RTN4IP1: variants seen among roughly 807,000 people sequenced by gnomAD.
RTN4IP1 encodes the protein NAD(P)H oxidoreductase RTN4IP1, mitochondrial.
A neutral mutation model predicts 46.6 loss-of-function variants in RTN4IP1; 32 were observed. The observed-to-expected ratio is 0.69, with a 90% confidence interval of 0.52 to 0.92. RTN4IP1 has a LOEUF of 0.92. RTN4IP1 is among the 40% of genes least tolerant of loss of function. The pLI is 0.00. For synonymous variants in RTN4IP1, 167 were observed against 161.8 expected (o/e 1.03, Z -0.24); for missense variants, 424 against 485.8 (o/e 0.87, Z 1.20).
chr6:106,589,058 C>T (rs190785052), intron 6 of RTN4IP1, among the ~76,000 whole-genome samples: 259 of 144,736 alleles, frequency 1.8e-3, no homozygotes, highest in African/African-American at 5.1e-3. Flanking sequence ...TGTGGTGAGC[C>T]GAGGTCATGC....
chr6:106,594,983 G>A (rs1775747670), intron 5 of RTN4IP1, among the ~76,000 whole-genome samples: 1 of 151,972 alleles, frequency 6.6e-6, no homozygotes, highest in Non-Finnish European at 1.5e-5. Context: ...TGTATTTTTA[G>A]TAGATATGGG....
intron 4 of RTN4IP1, among the ~76,000 whole-genome samples, chr6:106,614,379 T>C (rs986977818): frequency 1.3e-5 from 2 of 152,180 alleles, no homozygotes; most frequent in Admixed American, 6.5e-5. Flanking sequence ...TTGGTAAGTG[T>C]TGTTTTGCTC....
chr6:106,583,581 G>C, intron 7 of RTN4IP1, 161 bp from the exon 8 acceptor site: 2 of 585,966 alleles, frequency 3.4e-6, no homozygotes, highest in Non-Finnish European at 6.2e-6. Context: ...GACTGACAGA[G>C]AATGGATGCT....
rs752668325 is a variant in RTN4IP1 at position 106,629,341 on chromosome 6, C to T, written c.-320G>A. The T allele has an allele frequency of 5.4e-6, 3 of 555,172 alleles. No homozygotes were observed. Among genetic ancestry groups the T allele is most frequent in the Non-Finnish European group, 9.6e-6 (3 of 313,214 alleles). 34.4% of individuals were successfully genotyped at this position (555,172 alleles called of 1,614,324 possible). ...GCATTAAAAAGCAGGTGCGCAAACC[C>T]CCTAGATCCCTGCCCTGTCCTGGGA... On this transcript the variant is annotated 5_prime_UTR_variant, in exon 1 of 9. Transcript: ENST00000369063.
Position 106,611,865 on chromosome 6 carries a change from T to TAA in RTN4IP1, c.620+7336_620+7337insTT, listed in dbSNP as rs1237910084. On this transcript the variant is annotated intron_variant, in intron 4 of 8. Coordinates refer to ENST00000369063, the MANE Select transcript of RTN4IP1 (RefSeq NM_032730.5). ...CATTTTCCCAAGAAAACAAAGCTAT[T>TAA]TATATATCTTGGTAAGGTGGCCAGG... Among the ~76,000 whole-genome samples the TAA allele has an allele frequency of 2.6e-5, 4 of 152,280 alleles. No individual in the cohort carries two copies. The East Asian group carries it at 7.7e-4, about 29-fold the overall frequency.
chr6:106,626,750 C>T (rs1353686171), intron 1 of RTN4IP1, among the ~76,000 whole-genome samples: 1 of 152,148 alleles, frequency 6.6e-6, no homozygotes, highest in Non-Finnish European at 1.5e-5. Context: ...GTGTTCCATC[C>T]TATTGACAGG....
At chr6:106,613,019 C>A (rs1381953988) in intron 4 of RTN4IP1, among the ~76,000 whole-genome samples, 1 of 152,174 alleles carries the variant, frequency 6.6e-6, no homozygotes, top group East Asian at 1.9e-4. Flanking sequence ...AGTGCTATTT[C>A]TTTTGTGGCG....
At chr6:106,624,946 A>G (rs199953774) in intron 1 of RTN4IP1, among the ~76,000 whole-genome samples, 4 of 133,070 alleles carry the variant, frequency 3.0e-5, no homozygotes, top group South Asian at 2.2e-4. Flanking sequence ...AAAAAAAAAA[A>G]AAAAAGAAAA....
In RTN4IP1 at chr6:106,571,293, G is replaced by A. The variant is rs1318624965; in HGVS notation, c.*703C>T. 2 of 152,182 alleles carry A rather than the reference G, an allele frequency of 1.3e-5. No homozygotes were observed. Among genetic ancestry groups the A allele is most frequent in the Admixed American group, 1.3e-4 (2 of 15,282 alleles). The allele number at this position is 152,182 out of a possible 1,614,324, so 9.4% of individuals were successfully genotyped here. A position where few individuals can be genotyped will look rare whatever the true frequency, so the allele number is the denominator to read the frequency against. On this transcript the variant is annotated 3_prime_UTR_variant, in exon 9 of 9. Transcript: ENST00000369063. ...CACATTATGGTGGAGGAACAAAAAA[G>A]GAAACCTTGGCAGTTAGAAAGCTGC...
At chr6:106,599,394 C>T (rs1268389309) in intron 5 of RTN4IP1, among the ~76,000 whole-genome samples, 1 of 151,246 alleles carries the variant, frequency 6.6e-6, no homozygotes, top group Non-Finnish European at 1.5e-5. Context: ...CAATTAAAAC[C>T]TCCTCAACTC....
intron 2 of RTN4IP1, among the ~76,000 whole-genome samples, chr6:106,622,370 T>G (rs1246863879): frequency 6.6e-6 from 1 of 152,236 alleles, no homozygotes; most frequent in African/African-American, 2.4e-5. Context: ...CAAACCTACT[T>G]GGAAGGCCGG....
chr6:106,618,777 T>G (rs1470115961), intron 4 of RTN4IP1, among the ~76,000 whole-genome samples: 1 of 152,140 alleles, frequency 6.6e-6, no homozygotes, highest in African/African-American at 2.4e-5. Flanking sequence ...AATATGCAAG[T>G]GTGAGAATAA....
chr6:106,612,733 C>A (rs1482938473), intron 4 of RTN4IP1, among the ~76,000 whole-genome samples: 3 of 152,054 alleles, frequency 2.0e-5, no homozygotes, highest in Admixed American at 6.6e-5. Flanking sequence ...ATAACTCATT[C>A]CGATTACCTG....
At chr6:106,614,819 A>C (rs1209508514) in intron 4 of RTN4IP1, among the ~76,000 whole-genome samples, 9 of 152,152 alleles carry the variant, frequency 5.9e-5, no homozygotes, top group Non-Finnish European at 1.3e-4. Flanking sequence ...CAAGGCTAGA[A>C]GCTAGATTAC....
chr6:106,625,243 C>T (rs1421773833), intron 1 of RTN4IP1, among the ~76,000 whole-genome samples: 3 of 151,830 alleles, frequency 2.0e-5, no homozygotes, highest in Non-Finnish European at 4.4e-5. Flanking sequence ...TGCCCCACAA[C>T]GCATGCTCCA....
At chr6:106,625,358 C>T (rs1042860079) in intron 1 of RTN4IP1, among the ~76,000 whole-genome samples, 3 of 152,004 alleles carry the variant, frequency 2.0e-5, no homozygotes, top group East Asian at 1.9e-4. Context: ...GAGACTAAGG[C>T]GGCAGTTTAA....
chr6:106,619,250 GCAGA>G lies in RTN4IP1; in HGVS notation c.568_571del (p.Ser190LeufsTer2). ...ATTCAGGCCACCAACTTTGTTTATA[GCAGA>G]CCAGGCTGTGAGAGCCACATATGGC... On this transcript the variant is annotated frameshift_variant, in exon 4 of 9. Coordinates refer to ENST00000369063, the MANE Select transcript of RTN4IP1 (RefSeq NM_032730.5). LOFTEE classifies it high-confidence loss of function. 6.2e-7 allele frequency: 1 copy of G among 1,614,162 alleles called. No homozygotes were observed. The highest frequency in any genetic ancestry group is 8.5e-7 in the Non-Finnish European group (1 of 1,180,020).
chr6:106,623,126 T>C (rs1386445403), intron 1 of RTN4IP1, among the ~76,000 whole-genome samples, 157 bp from the exon 2 acceptor site: 1 of 151,784 alleles, frequency 6.6e-6, no homozygotes, highest in African/African-American at 2.4e-5. Flanking sequence ...ACTGCAACAC[T>C]ATTCACAACA....
At chr6:106,602,209 G>A (rs1484269287) in intron 5 of RTN4IP1, among the ~76,000 whole-genome samples, 1 of 151,930 alleles carries the variant, frequency 6.6e-6, no homozygotes, top group African/African-American at 2.4e-5. Context: ...TTTTAAGATT[G>A]TTTGGCTATT....
Sources: gnomAD v4.1 joint callset for allele counts (sites outside exome capture counted in the v4.1 genomes callset) on GRCh38, gnomAD v4.1.1 for gene constraint, MANE v1.5 for transcripts, NCBI Gene and HGNC (gene_info 2026-07-23, HGNC 2026-07-21) for gene names.